The following PDE4D variants were observed in gnomAD, a reference collection of about 807,000 sequenced individuals.
PDE4D encodes 3',5'-cyclic-AMP phosphodiesterase 4D.
PDE4D carries 24 observed loss-of-function variants against 87.4 expected under a neutral mutation model. The ratio of observed to expected loss-of-function variants is 0.27; its 90% CI spans 0.20 to 0.39. The LOEUF is 0.39. PDE4D is among the 10% of genes least tolerant of loss of function. The pLI is 1.00. For missense variants in PDE4D, 714 were observed against 1,041.0 expected (o/e 0.69, Z 4.32); for synonymous variants, 384 against 383.2 (o/e 1.00, Z -0.02).
intron 5 of PDE4D, among the ~76,000 whole-genome samples, chr5:59,111,058 A>T (rs1162627047): frequency 6.6e-6 from 1 of 152,144 alleles, no homozygotes; most frequent in East Asian, 1.9e-4. Context: ...TTTGTTCCTA[A>T]ACTGTGGCTT....
intron 3 of PDE4D, among the ~76,000 whole-genome samples, chr5:59,900,054 A>G (rs1160177305): frequency 6.6e-6 from 1 of 152,116 alleles, no homozygotes; most frequent in Non-Finnish European, 1.5e-5. Context: ...AGCCTGGCCA[A>G]CATGGTGAAA....
intron 1 of PDE4D, among the ~76,000 whole-genome samples, chr5:60,420,152 T>C (rs1742965050): frequency 6.6e-6 from 1 of 152,190 alleles, no homozygotes; most frequent in South Asian, 2.1e-4. Context: ...CTAGACATCA[T>C]TGCAGTTCAG....
chr5:59,780,595 T>C (rs1764517993), intron 1 of PDE4D, among the ~76,000 whole-genome samples: 1 of 152,224 alleles, frequency 6.6e-6, no homozygotes, highest in Admixed American at 6.5e-5. Flanking sequence ...TCTTTGTGCC[T>C]AGTCCCTCTT....
chr5:60,014,682 G>A lies in PDE4D; in HGVS notation c.43-25965C>T, dbSNP rs1257325837. ...GAAATAGCTTTCGCCCAATGGAATG[G>A]AATATAACTGGATACATTAGAAAAT... On this transcript the variant is annotated intron_variant, in intron 2 of 16. Coordinates refer to the PDE4D transcript ENST00000502484. 7.9e-5 allele frequency among the ~76,000 whole-genome samples: 12 copies of A among 152,218 alleles called. 1 individual carries two copies. The highest frequency in any genetic ancestry group is 1.5e-5 in the Non-Finnish European group (1 of 68,038).
intron 1 of PDE4D, among the ~76,000 whole-genome samples, chr5:59,603,982 T>C (rs1325709317): frequency 6.6e-6 from 1 of 151,980 alleles, no homozygotes; most frequent in Non-Finnish European, 1.5e-5. Flanking sequence ...ACAATGTATA[T>C]ATACTTCAAA....
At chr5:59,719,044 A>G (rs1330072735) in intron 1 of PDE4D, among the ~76,000 whole-genome samples, 1 of 152,050 alleles carries the variant, frequency 6.6e-6, no homozygotes. Flanking sequence ...GGTTTCATAT[A>G]AGGAGACATA....
chr5:59,297,058 C>A (rs373390496), intron 1 of PDE4D, among the ~76,000 whole-genome samples: 6 of 152,242 alleles, frequency 3.9e-5, no homozygotes, highest in African/African-American at 1.4e-4. Context: ...TCAGATCTTT[C>A]TGGAGGAGAG....
chr5:58,977,583 A>T (rs566595936), intron 11 of PDE4D, among the ~76,000 whole-genome samples: 1 of 152,184 alleles, frequency 6.6e-6, no homozygotes, highest in African/African-American at 2.4e-5. Flanking sequence ...TTCACTCTGT[A>T]GGTCTCAGCT....
At chr5:60,017,342 G>A (rs1410077257) in intron 2 of PDE4D, among the ~76,000 whole-genome samples, 1 of 152,082 alleles carries the variant, frequency 6.6e-6, no homozygotes, top group African/African-American at 2.4e-5. Flanking sequence ...ATGCAGGTTT[G>A]TCACATAGAT....
At chr5:59,529,864 C>T (rs569786310) in intron 1 of PDE4D, among the ~76,000 whole-genome samples, 4 of 152,168 alleles carry the variant, frequency 2.6e-5, no homozygotes, top group African/African-American at 4.8e-5. Context: ...GCACTGTATT[C>T]GGAAAAATGT....
intron 1 of PDE4D, among the ~76,000 whole-genome samples, chr5:60,226,903 C>A (rs1371511214): frequency 1.3e-5 from 2 of 151,902 alleles, no homozygotes; most frequent in African/African-American, 4.8e-5. Flanking sequence ...ACTTCACCAT[C>A]CCAACCCATA....
At chr5:59,718,553 A>T (rs1755356465) in intron 1 of PDE4D, among the ~76,000 whole-genome samples, 1 of 152,168 alleles carries the variant, frequency 6.6e-6, no homozygotes, top group Non-Finnish European at 1.5e-5. Context: ...AACGCACATA[A>T]AGTAATTTTA....
intron 1 of PDE4D, among the ~76,000 whole-genome samples, chr5:59,717,857 A>C (rs545797883): frequency 9.2e-5 from 14 of 152,304 alleles, no homozygotes; most frequent in Admixed American, 2.0e-4. Flanking sequence ...CAACAACCCT[A>C]CTTTTATAAT....
chr5:59,449,074 C>G (rs1470815964), intron 1 of PDE4D, among the ~76,000 whole-genome samples: 1 of 152,154 alleles, frequency 6.6e-6, no homozygotes, highest in African/African-American at 2.4e-5. Context: ...GATTACAAAT[C>G]AAAGAACAAT....
chr5:59,693,735 T>G (rs1751328763), intron 1 of PDE4D, among the ~76,000 whole-genome samples: 1 of 152,172 alleles, frequency 6.6e-6, no homozygotes, highest in Non-Finnish European at 1.5e-5. Context: ...TACGAATGAC[T>G]GAAAAGTATT....
At chr5:60,412,248 T>C (rs1230326028) in intron 1 of PDE4D, among the ~76,000 whole-genome samples, 2 of 152,108 alleles carry the variant, frequency 1.3e-5, no homozygotes, top group Non-Finnish European at 2.9e-5. Flanking sequence ...ACAAAGAAAT[T>C]AGGGGAAAAA....
At chr5:58,993,527 C>T (rs1415237084) in intron 6 of PDE4D, 62 bp from the exon 7 acceptor site, 3 of 1,010,896 alleles carry the variant, frequency 3.0e-6, no homozygotes, top group Non-Finnish European at 4.5e-6. Context: ...AATATATATG[C>T]ATACTCTGAG....
intron 1 of PDE4D, among the ~76,000 whole-genome samples, chr5:59,391,123 T>C (rs1210097530): frequency 2.0e-5 from 3 of 152,118 alleles, no homozygotes; most frequent in Non-Finnish European, 2.9e-5. Flanking sequence ...TAAGTAAGCA[T>C]AGGAGGAGAC....
At chr5:59,411,278 T>C (rs970689847) in intron 1 of PDE4D, among the ~76,000 whole-genome samples, 2 of 152,238 alleles carry the variant, frequency 1.3e-5, no homozygotes, top group Non-Finnish European at 1.5e-5. Flanking sequence ...CCTTTCCATT[T>C]CCTAAATTGG....
Sources: gnomAD v4.1 joint callset for allele counts (sites outside exome capture counted in the v4.1 genomes callset) on GRCh38, gnomAD v4.1.1 for gene constraint, MANE v1.5 for transcripts, NCBI Gene and HGNC (gene_info 2026-07-23, HGNC 2026-07-21) for gene names.